Variants in MED13L observed in about 807,000 individuals in gnomAD.
MED13L encodes the protein mediator of RNA polymerase II transcription subunit 13-like.
MED13L carries 7 observed loss-of-function variants against 220.9 expected under a neutral mutation model. That is an observed-to-expected ratio of 0.03 (90% CI 0.02 to 0.06). MED13L has a LOEUF of 0.06. Ranked by LOEUF, MED13L falls within the 10% of genes least tolerant of loss-of-function variation. The pLI, the probability that MED13L is intolerant of heterozygous loss-of-function variation, is 1.00. For missense variants in MED13L, 1,965 were observed against 2,760.5 expected, an observed-to-expected ratio of 0.71 and a Z score of 6.46; for synonymous variants, 1,011 against 1,015.2, an observed-to-expected ratio of 1.00 and a Z score of 0.08.
intron 4 of MED13L, among the ~76,000 whole-genome samples, chr12:116,031,633 GGAGGGGAGGGGGGAC>G (rs1277599355): frequency 8.2e-6 from 1 of 121,802 alleles, no homozygotes; most frequent in Non-Finnish European, 1.7e-5. Flanking sequence ...GGAGGGGAGG[GGAGGGGAGGGGGGAC>G]GGGACGGGAC....
chr12:116,135,763 G>GA (rs1370516183), intron 2 of MED13L, among the ~76,000 whole-genome samples: 4 of 152,294 alleles, frequency 2.6e-5, no homozygotes, highest in Non-Finnish European at 5.9e-5. Flanking sequence ...AAAGCAGGAA[G>GA]AAACTTTAGT....
intron 2 of MED13L, among the ~76,000 whole-genome samples, chr12:116,133,443 C>A (rs1876256233): frequency 6.6e-6 from 1 of 152,086 alleles, no homozygotes; most frequent in East Asian, 1.9e-4. Context: ...GACGGTAGAC[C>A]AGGCTGGTAC....
At chr12:116,080,730 G>A (rs1397007393) in intron 4 of MED13L, among the ~76,000 whole-genome samples, 1 of 152,182 alleles carries the variant, frequency 6.6e-6, no homozygotes, top group Non-Finnish European at 1.5e-5. Context: ...TTTCCAGCCT[G>A]ATTCTTTGGT....
At position 116,277,632 on chromosome 12, in the gene MED13L, C is replaced by G. The variant is rs1461833484; in HGVS notation, c.-501G>C. Among the ~76,000 whole-genome samples the G allele has an allele frequency of 2.0e-5, 3 of 149,776 alleles. No individual in the cohort carries two copies. Among genetic ancestry groups the G allele is most frequent in the Admixed American group, 6.6e-5 (1 of 15,094 alleles). On this transcript the variant is annotated 5_prime_UTR_variant, in exon 1 of 31. Transcript: ENST00000281928. Reference sequence around the variant, plus strand: ...TCCTTCCTCTTCCTCCCCCACCCCCCCCTCCTCCCCAGTCAGCCTCGCTTC... The same window carrying G: ...TCCTTCCTCTTCCTCCCCCACCCCCGCCTCCTCCCCAGTCAGCCTCGCTTC...
intron 2 of MED13L, among the ~76,000 whole-genome samples, chr12:116,159,268 G>A (rs1290855628): frequency 1.3e-5 from 2 of 152,156 alleles, no homozygotes; most frequent in Non-Finnish European, 2.9e-5. Flanking sequence ...AACAAATGGA[G>A]GTCGCAATCT....
chr12:115,984,511 C>A, intron 19 of MED13L, 139 bp from the exon 20 acceptor site: 1 of 899,024 alleles, frequency 1.1e-6, no homozygotes, highest in Admixed American at 2.3e-5. Context: ...GCAATCAAAC[C>A]AACATTACAA....
intron 2 of MED13L, among the ~76,000 whole-genome samples, chr12:116,227,694 C>A (rs1869142025): frequency 6.6e-6 from 1 of 152,132 alleles, no homozygotes; most frequent in Admixed American, 6.5e-5. Flanking sequence ...TCCTCCCCAT[C>A]TCTCTTATTC....
intron 4 of MED13L, among the ~76,000 whole-genome samples, chr12:116,039,131 T>C (rs1881374711): frequency 6.6e-6 from 1 of 152,200 alleles, no homozygotes; most frequent in South Asian, 2.1e-4. Flanking sequence ...CCGTAATGAT[T>C]CTAGTTATAT....
At chr12:116,062,004 CA>C (rs1450904019) in intron 4 of MED13L, among the ~76,000 whole-genome samples, 1 of 52,120 alleles carries the variant, frequency 1.9e-5, no homozygotes, top group East Asian at 6.8e-4. Flanking sequence ...CAAGACTCCA[CA>C]TCGAAAAAAA....
intron 1 of MED13L, among the ~76,000 whole-genome samples, chr12:116,272,303 C>G (rs1198630201): frequency 6.6e-6 from 1 of 152,224 alleles, no homozygotes; most frequent in Non-Finnish European, 1.5e-5. Flanking sequence ...TGGCTCATGC[C>G]TGTAATCCCA....
intron 1 of MED13L, among the ~76,000 whole-genome samples, chr12:116,275,280 G>T (rs139703609): frequency 0.021 from 3,175 of 152,178 alleles, 65 homozygotes; most frequent in Middle Eastern, 0.051. Flanking sequence ...GAGGGAAAAA[G>T]TTGAGGCAAA....
chr12:116,190,375 T>C (rs1470721574), intron 2 of MED13L, among the ~76,000 whole-genome samples: 1 of 152,234 alleles, frequency 6.6e-6, no homozygotes, highest in Non-Finnish European at 1.5e-5. Context: ...TTCTCAAAAT[T>C]TGCAAAGGAA....
chr12:116,105,943 C>T (rs1445571203), intron 3 of MED13L, among the ~76,000 whole-genome samples: 3 of 152,116 alleles, frequency 2.0e-5, no homozygotes, highest in Non-Finnish European at 4.4e-5. Flanking sequence ...ATACCATTTC[C>T]GAGCAAAAGC....
At chr12:116,056,731 C>A (rs1357904055) in intron 4 of MED13L, among the ~76,000 whole-genome samples, 1 of 152,056 alleles carries the variant, frequency 6.6e-6, no homozygotes, top group Non-Finnish European at 1.5e-5. Flanking sequence ...CTCCAAGATT[C>A]TTTAAGAAAT....
At chr12:116,088,762 C>G (rs1871939830) in intron 4 of MED13L, among the ~76,000 whole-genome samples, 2 of 147,380 alleles carry the variant, frequency 1.4e-5, no homozygotes, top group Admixed American at 1.4e-4. Context: ...GAGGGGAGAC[C>G]AAAATTCAGC....
Position 116,254,479 on chromosome 12 carries a change from T to C in MED13L, c.73-16774A>G, listed in dbSNP as rs113602337. ...AATACTCTCAAATGGCCAGGTGCAG[T>C]GGCTCACACCTGTAATCCTAGCACT... On this transcript the variant is annotated intron_variant, in intron 1 of 30. Coordinates refer to ENST00000281928, the MANE Select transcript of MED13L (RefSeq NM_015335.5). 6.6e-3 allele frequency among the ~76,000 whole-genome samples: 1,001 copies of C among 152,136 alleles called. 13 individuals are homozygous for C. The highest frequency in any genetic ancestry group is 0.023 in the African/African-American group (942 of 41,440).
intron 2 of MED13L, among the ~76,000 whole-genome samples, chr12:116,231,777 G>C (rs1015055519): frequency 2.0e-5 from 3 of 152,166 alleles, no homozygotes; most frequent in African/African-American, 7.2e-5. Context: ...GGTCCGTGAA[G>C]TCTGAAAATT....
intron 2 of MED13L, among the ~76,000 whole-genome samples, chr12:116,164,362 C>G (rs1462271183): frequency 1.3e-5 from 2 of 152,082 alleles, no homozygotes; most frequent in Non-Finnish European, 2.9e-5. Context: ...CAACCAAAAT[C>G]TTGTAAGTAT....
intron 4 of MED13L, among the ~76,000 whole-genome samples, chr12:116,022,846 T>C (rs1050695195): frequency 3.3e-5 from 5 of 152,314 alleles, no homozygotes; most frequent in Non-Finnish European, 7.3e-5. Flanking sequence ...TCCAGTTTCA[T>C]TTGCATAAAA....
Sources: allele counts gnomAD v4.1 joint callset (sites outside exome capture counted in the v4.1 genomes callset), GRCh38; gene constraint gnomAD v4.1.1; transcripts MANE v1.5; gene names NCBI Gene and HGNC (gene_info 2026-07-23, HGNC 2026-07-21).